CPXM1: variants seen among roughly 807,000 people sequenced by gnomAD.
CPXM1 encodes carboxypeptidase X, M14 family member 1.
CPXM1 carries 72 observed loss-of-function variants against 80.4 expected under a neutral mutation model. That is an observed-to-expected ratio of 0.90 (90% confidence interval 0.74 to 1.09). The LOEUF (loss-of-function observed/expected upper bound fraction) is 1.09, where lower values mean the gene tolerates loss of function less well. CPXM1 is among the 50% of genes least tolerant of loss of function. The pLI, the probability that CPXM1 is intolerant of heterozygous loss-of-function variation, is 0.00. For missense variants in CPXM1, 892 were observed against 999.4 expected (o/e 0.89, Z 1.45); for synonymous variants, 403 against 405.6 (o/e 0.99, Z 0.08).
chr20:2,796,788 C>T lies in CPXM1; in HGVS notation c.922-138G>A, dbSNP rs185072826. On this transcript the variant is annotated intron_variant, in intron 7 of 13. Transcript: ENST00000380605. The surrounding 1 kb of genome is among the most constrained non-coding windows in gnomAD (Gnocchi z 6.8). ...ATCCCATCATGGTACAGGAGGGGAGCGGCAGCAGAGCCGGGAGGAAGGGGT... is the reference window on the plus strand; with the variant it reads ...ATCCCATCATGGTACAGGAGGGGAGTGGCAGCAGAGCCGGGAGGAAGGGGT... 93 of 1,294,140 alleles carry T rather than the reference C, an allele frequency of 7.2e-5. No homozygotes were observed. Among genetic ancestry groups the T allele is most frequent in the African/African-American group, 2.9e-4 (20 of 68,174 alleles). 80.2% of individuals were successfully genotyped at this position (1,294,140 alleles called of 1,614,324 possible).
At position 2,794,785 on chromosome 20, in the gene CPXM1, A is replaced by C; in HGVS notation, c.1861-146T>G. 1 of 618,252 alleles carries C rather than the reference A, an allele frequency of 1.6e-6. No homozygotes were observed. Among genetic ancestry groups the C allele is most frequent in the Non-Finnish European group, 2.9e-6 (1 of 350,312 alleles). 38.3% of individuals were successfully genotyped at this position (618,252 alleles called of 1,614,324 possible). A position where few individuals can be genotyped will look rare whatever the true frequency, so the allele number is the denominator to read the frequency against. On this transcript the variant is annotated intron_variant, in intron 12 of 13. Coordinates refer to ENST00000380605, the MANE Select transcript of CPXM1 (RefSeq NM_019609.5). The surrounding 1 kb of genome is among the most constrained non-coding windows in gnomAD (Gnocchi z 5.2). ...GGTGACACTACTTCTGGAAGAAAAA[A>C]AAAAAAGAAATCCTGATTGACAAAT...
At position 2,797,349 on chromosome 20, in the gene CPXM1, G is replaced by C; in HGVS notation, c.682-7C>G. On this transcript the variant is annotated splice_region_variant and splice_polypyrimidine_tract_variant and intron_variant, in intron 5 of 13. Transcript: ENST00000380605. ...CTGAATTGGCAGGAAATACCTGGGG[G>C]CAGCAAGTTCTCTGTTGTGGCTGCT... 1 of 1,477,730 alleles carries C rather than the reference G, an allele frequency of 6.8e-7. No homozygotes were observed. The highest frequency in any genetic ancestry group is 9.0e-7 in the Non-Finnish European group (1 of 1,116,396). 91.5% of individuals were successfully genotyped at this position (1,477,730 alleles called of 1,614,324 possible).
chr20:2,795,613 T>A lies in CPXM1; in HGVS notation c.1706A>T (p.His569Leu). The change falls in exon 11 of 14, where the codon CAC becomes CTC. Residue 569 changes from histidine to leucine, a missense_variant. His to Leu is a moderately conservative substitution (Grantham distance 99). Around this residue, in one of 2 missense-constraint regions of CPXM1, gnomAD observed 874 missense variants for 958.4 expected, o/e 0.91. Coordinates refer to ENST00000380605, the MANE Select transcript of CPXM1 (RefSeq NM_019609.5). The surrounding 1 kb of genome is among the most constrained non-coding windows in gnomAD (Gnocchi z 5.4). ...CAGGCACATACTCCCGGGGACCGTG[T>A]GCCAGTCAGCCCCGTTGATGATGTT... is the stretch of plus-strand genomic sequence containing the variant. ...HGNIINGADW[H>L]TVPGSMNDFS... The A allele has an allele frequency of 1.9e-6, 3 of 1,613,400 alleles. No homozygotes were observed. The highest frequency in any genetic ancestry group is 2.5e-6 in the Non-Finnish European group (3 of 1,179,432).
Position 2,800,597 on chromosome 20 carries a change from C to T in CPXM1, c.-25G>A. ...TGGCGGGGATTGAGTGCCAGGGGCGCGCGGGCTACGGCGGGTGGCGGGTCG... is the reference window on the plus strand; with the variant it reads ...TGGCGGGGATTGAGTGCCAGGGGCGTGCGGGCTACGGCGGGTGGCGGGTCG... On this transcript the variant is annotated 5_prime_UTR_variant, in exon 1 of 14. Coordinates refer to ENST00000380605, the MANE Select transcript of CPXM1 (RefSeq NM_019609.5). 1 of 1,323,172 alleles carries T rather than the reference C, an allele frequency of 7.6e-7. No individual in the cohort carries two copies. The highest frequency in any genetic ancestry group is 9.6e-7 in the Non-Finnish European group (1 of 1,040,098). 82.0% of individuals were successfully genotyped at this position (1,323,172 alleles called of 1,614,324 possible). A position where few individuals can be genotyped will look rare whatever the true frequency, so the allele number is the denominator to read the frequency against.
Position 2,794,211 on chromosome 20 carries a change from C to T in CPXM1, c.2184G>A (p.Arg728=). 6.2e-7 allele frequency: 1 copy of T among 1,612,974 alleles called. No homozygotes were observed. Among genetic ancestry groups the T allele is most frequent in the Non-Finnish European group, 8.5e-7 (1 of 1,179,716 alleles). ...GGTATCAATCCTTCTGTCCCCTTAG[C>T]CGCTCCAGGCGCCTGCGAAGGTCCG... ...VPPDLRRRLE[R]LRGQKD is the part of the protein sequence containing the mutation. The change falls in exon 14 of 14, where the codon CGG becomes CGA. Residue 728 remains arginine (R), a synonymous_variant. Coordinates refer to ENST00000380605, the MANE Select transcript of CPXM1 (RefSeq NM_019609.5). The surrounding 1 kb of genome is among the most constrained non-coding windows in gnomAD (Gnocchi z 5.2).
At position 2,795,813 on chromosome 20, in the gene CPXM1, G is replaced by C; in HGVS notation, c.1506C>G (p.Leu502=). The change falls in exon 11 of 14, where the codon CTC becomes CTG. Residue 502 remains leucine (L), a synonymous_variant. Transcript: ENST00000380605. This position sits in a 1 kb window ranked among gnomAD's most constrained non-coding sequence, Gnocchi z 5.4. The stretch of plus-strand genomic sequence containing the variant: ...TCATGTCGAATGGGTAGGACACCAC[G>C]AGCTCACCCCCGTGGAGGTTGGCAC... ...VLSANLHGGE[L]VVSYPFDMTR... is the part of the protein sequence containing the mutation. 1.2e-6 allele frequency: 2 copies of C among 1,612,058 alleles called. No individual in the cohort carries two copies. The highest frequency in any genetic ancestry group is 1.1e-5 in the South Asian group (1 of 91,080).
Position 2,794,406 on chromosome 20 carries a change from C to A in CPXM1, c.1989G>T (p.Leu663=). 5 of 1,614,156 alleles carry A rather than the reference C, an allele frequency of 3.1e-6. No individual in the cohort carries two copies. The highest frequency in any genetic ancestry group is 4.2e-6 in the Non-Finnish European group (5 of 1,180,018). The change falls in exon 14 of 14, where the codon CTG becomes CTT. Residue 663 remains leucine, a synonymous_variant. Coordinates refer to ENST00000380605, the MANE Select transcript of CPXM1 (RefSeq NM_019609.5). The surrounding 1 kb of genome is among the most constrained non-coding windows in gnomAD (Gnocchi z 5.2). The stretch of plus-strand genomic sequence containing the variant: ...TCACCATGTAGTCCCCTGGGGTCAG[C>A]AGACGCCAATAATCCCCGCCCCACG... The part of the protein sequence containing the change: ...TTAWGGDYWR[L]LTPGDYMVTA...
At position 2,796,764 on chromosome 20, in the gene CPXM1, TC is replaced by T; in HGVS notation, c.922-115del. ...AGCGATGGCCCACACAGAGGGGGCA[TC>T]CCATCATGGTACAGGAGGGGAGCGG... is the stretch of plus-strand genomic sequence containing the variant. On this transcript the variant is annotated intron_variant, in intron 7 of 13. Transcript: ENST00000380605. This position sits in a 1 kb window ranked among gnomAD's most constrained non-coding sequence, Gnocchi z 6.8. 1 of 1,440,336 alleles carries T rather than the reference TC, an allele frequency of 6.9e-7. No homozygotes were observed. The highest frequency in any genetic ancestry group is 9.4e-7 in the Non-Finnish European group (1 of 1,059,794). 89.2% of individuals were successfully genotyped at this position (1,440,336 alleles called of 1,614,324 possible).
At chr20:2,797,876 T>A in intron 5 of CPXM1, 92 bp downstream of exon 5, 1 of 1,172,444 alleles carries the variant, frequency 8.5e-7, no homozygotes, top group Non-Finnish European at 1.3e-6. Flanking sequence ...TAAGCTGGCG[T>A]CTATTCCTTG....
rs778535568 is a variant in CPXM1 at position 2,794,249 on chromosome 20, C to A, written c.2146G>T (p.Ala716Ser). 15 of 1,613,948 alleles carry A rather than the reference C, an allele frequency of 9.3e-6. No homozygotes were observed. The East Asian group carries it at 3.3e-4, about 36-fold the overall frequency. Residue 716 changes from alanine to serine, a missense_variant, in exon 14 of 14, where the codon GCC becomes TCC. Ala to Ser is a moderately conservative substitution (Grantham distance 99). Coordinates refer to ENST00000380605, the MANE Select transcript of CPXM1 (RefSeq NM_019609.5). This position sits in a 1 kb window ranked among gnomAD's most constrained non-coding sequence, Gnocchi z 5.2. ...QRLRELLAAG[A>S]KVPPDLRRRL... Reference sequence around the variant, plus strand: ...CTGCGAAGGTCCGGGGGCACCTTGGCCCCAGCTGCCAGCAGCTCGCGCAGC... The same window carrying A: ...CTGCGAAGGTCCGGGGGCACCTTGGACCCAGCTGCCAGCAGCTCGCGCAGC...
At chr20:2,799,103 C>T (rs1437211653) in intron 1 of CPXM1, among the ~76,000 whole-genome samples, 3 of 152,088 alleles carry the variant, frequency 2.0e-5, no homozygotes, top group Non-Finnish European at 2.9e-5. Context: ...CCTGATGTAA[C>T]TACATGCTTG....
Position 2,796,554 on chromosome 20 carries a change from A to T in CPXM1, c.1018T>A (p.Ser340Thr). ...QGLKLYVMEM[S>T]DKPGEHELGE... is the part of the protein sequence containing the mutation. ...AGCTCATGCTCCCCAGGCTTGTCCG[A>T]CATTTCCATCACATACAGCTTCAGG... The change falls in exon 8 of 14, where the codon TCG (serine) becomes ACG (threonine). Residue 340 changes from serine to threonine, a missense_variant. By Grantham distance (58) the Ser-to-Thr change is moderately conservative. Coordinates refer to ENST00000380605, the MANE Select transcript of CPXM1 (RefSeq NM_019609.5). This position sits in a 1 kb window ranked among gnomAD's most constrained non-coding sequence, Gnocchi z 6.8. 1 of 1,614,144 alleles carries T rather than the reference A, an allele frequency of 6.2e-7. No homozygotes were observed. Among genetic ancestry groups the T allele is most frequent in the Non-Finnish European group, 8.5e-7 (1 of 1,180,014 alleles).
intron 2 of CPXM1, 74 bp downstream of exon 2, chr20:2,798,652 A>G: frequency 6.4e-7 from 1 of 1,562,586 alleles, no homozygotes; most frequent in South Asian, 1.2e-5. Flanking sequence ...GCCGGTGCCC[A>G]TGAGGCCAAG....
In CPXM1 at chr20:2,800,410, T is replaced by A. The variant is rs2088558180; in HGVS notation, c.163A>T (p.Thr55Ser). The A allele has an allele frequency of 6.5e-6, 10 of 1,531,248 alleles. No individual in the cohort carries two copies. Among genetic ancestry groups the A allele is most frequent in the Non-Finnish European group, 8.7e-6 (10 of 1,146,996 alleles). The allele number at this position is 1,531,248 out of a possible 1,614,324, so 94.9% of individuals were successfully genotyped here. A position where few individuals can be genotyped will look rare whatever the true frequency, so the allele number is the denominator to read the frequency against. Residue 55 changes from threonine to serine, a missense_variant, in exon 1 of 14, where the codon ACA becomes TCA. Thr to Ser is a moderately conservative substitution (Grantham distance 58, BLOSUM62 1). Around this residue, in one of 2 missense-constraint regions of CPXM1, gnomAD observed 874 missense variants for 958.4 expected, o/e 0.91. Coordinates refer to ENST00000380605, the MANE Select transcript of CPXM1 (RefSeq NM_019609.5). ...HSSPAQPPAE[T>S]ANGTSEQHVR... ...CGGTCGGGGAACTCACCGTTAGCTG[T>A]CTCCGCCGGCGGCTGTGCCGGGCTG...
chr20:2,796,970 G>A lies in CPXM1; in HGVS notation c.921+36C>T. The stretch of plus-strand genomic sequence containing the variant: ...GTGGGAAGGGGACCTGAGATGGGTG[G>A]GCCCTCCTTCCCAGGTCATAGGGGT... On this transcript the variant is annotated intron_variant, in intron 7 of 13. Transcript: ENST00000380605. The surrounding 1 kb of genome is among the most constrained non-coding windows in gnomAD (Gnocchi z 6.8). 1.9e-6 allele frequency: 3 copies of A among 1,582,980 alleles called. No homozygotes were observed. Among genetic ancestry groups the A allele is most frequent in the Non-Finnish European group, 2.6e-6 (3 of 1,152,602 alleles).
Position 2,798,542 on chromosome 20 carries a change from G to A in CPXM1, c.341-5C>T, listed in dbSNP as rs779932376. The A allele has an allele frequency of 1.2e-6, 2 of 1,612,428 alleles. No homozygotes were observed. Among genetic ancestry groups the A allele is most frequent in the African/African-American group, 2.7e-5 (2 of 74,910 alleles). Reference sequence around the variant, plus strand: ...CCAGACCCAAAGGAGGACAGCCTGGGGCGGGGATAGAACAGTGAGACAGGA... The same window carrying A: ...CCAGACCCAAAGGAGGACAGCCTGGAGCGGGGATAGAACAGTGAGACAGGA... On this transcript the variant is annotated splice_region_variant and splice_polypyrimidine_tract_variant and intron_variant, in intron 2 of 13. Transcript: ENST00000380605.
At position 2,796,740 on chromosome 20, in the gene CPXM1, G is replaced by T; in HGVS notation, c.922-90C>A. 6.5e-7 allele frequency: 1 copy of T among 1,540,042 alleles called. No homozygotes were observed. ...TGCCATGGAAAGACTTAAAAAGTCA[G>T]CGATGGCCCACACAGAGGGGGCATC... On this transcript the variant is annotated intron_variant, in intron 7 of 13. Transcript: ENST00000380605. This position sits in a 1 kb window ranked among gnomAD's most constrained non-coding sequence, Gnocchi z 6.8.
At position 2,794,436 on chromosome 20, in the gene CPXM1, GGA is replaced by G; in HGVS notation, c.1964-7_1964-6del. ...GCCAATAATCCCCGCCCCACGCTGA[GGA>G]GAGTGAAGGGCACGATCAGGACCCA... On this transcript the variant is annotated splice_polypyrimidine_tract_variant and splice_region_variant and intron_variant, in intron 13 of 13. Transcript: ENST00000380605. The surrounding 1 kb of genome is among the most constrained non-coding windows in gnomAD (Gnocchi z 5.2). 6.2e-7 allele frequency: 1 copy of G among 1,613,606 alleles called. No homozygotes were observed. Among genetic ancestry groups the G allele is most frequent in the Non-Finnish European group, 8.5e-7 (1 of 1,179,594 alleles).
At position 2,795,004 on chromosome 20, in the gene CPXM1, T is replaced by C. The variant is rs2088489698; in HGVS notation, c.1860+273A>G. Among the ~76,000 whole-genome samples the C allele has an allele frequency of 6.6e-6, 1 of 152,038 alleles. No homozygotes were observed. Among genetic ancestry groups the C allele is most frequent in the African/African-American group, 2.4e-5 (1 of 41,382 alleles). On this transcript the variant is annotated intron_variant, in intron 12 of 13. Transcript: ENST00000380605. The surrounding 1 kb of genome is among the most constrained non-coding windows in gnomAD (Gnocchi z 5.4). ...CTCCTGCACCTGCCTCACGTGAGTC[T>C]CTCCTGAGGATAGCTCTGGGGCAGC...
Sources: allele counts gnomAD v4.1 joint callset (sites outside exome capture counted in the v4.1 genomes callset), GRCh38; gene constraint gnomAD v4.1.1; regional missense constraint gnomAD v4.1.1; non-coding constraint Gnocchi (gnomAD v3.1); transcripts MANE v1.5; gene names NCBI Gene and HGNC (gene_info 2026-07-23, HGNC 2026-07-21).